The following PDZD2 variants were observed in gnomAD, a reference collection of about 807,000 sequenced individuals.
The protein encoded by PDZD2 is PDZ domain-containing protein 2.
PDZD2 carries 90 observed loss-of-function variants against 220.7 expected under a neutral mutation model. The observed-to-expected ratio is 0.41, with a 90% CI of 0.34 to 0.49. The LOEUF (loss-of-function observed/expected upper bound fraction) is 0.49, where lower values mean the gene tolerates loss of function less well. PDZD2 is among the 20% of genes least tolerant of loss of function. The probability of loss-of-function intolerance (pLI) is 0.28; values close to 1 mark genes in which losing one functional copy is unlikely to be tolerated. For missense variants in PDZD2, 3,174 were observed against 3,608.5 expected, an observed-to-expected ratio of 0.88 and a Z score of 3.08; for synonymous variants, 1,375 against 1,450.5, an observed-to-expected ratio of 0.95 and a Z score of 1.18.
intron 2 of PDZD2, among the ~76,000 whole-genome samples, chr5:31,824,539 T>TGA (rs958170824): frequency 1.1e-4 from 16 of 152,252 alleles, no homozygotes; most frequent in African/African-American, 3.9e-4. Flanking sequence ...GAAGGTGGGG[T>TGA]GAGTGTTTAA....
chr5:31,768,951 T>C (rs952104760), intron 1 of PDZD2, among the ~76,000 whole-genome samples: 1 of 152,240 alleles, frequency 6.6e-6, no homozygotes, highest in Non-Finnish European at 1.5e-5. Flanking sequence ...CAATGTCTGT[T>C]TCCATCACCT....
At chr5:31,705,392 A>G (rs1181268095) in intron 1 of PDZD2, among the ~76,000 whole-genome samples, 1 of 152,110 alleles carries the variant, frequency 6.6e-6, no homozygotes, top group Non-Finnish European at 1.5e-5. Flanking sequence ...AAATCCTTGC[A>G]TTTTCTGGTG....
At chr5:31,841,228 C>T (rs1202994837) in intron 2 of PDZD2, among the ~76,000 whole-genome samples, 1 of 144,696 alleles carries the variant, frequency 6.9e-6, no homozygotes, top group Non-Finnish European at 1.5e-5. Context: ...CACACACACA[C>T]ATAAACACAC....
At chr5:31,695,737 G>C (rs1219681888) in intron 1 of PDZD2, among the ~76,000 whole-genome samples, 1 of 152,120 alleles carries the variant, frequency 6.6e-6, no homozygotes, top group African/African-American at 2.4e-5. Context: ...TTTTATTTGG[G>C]TGTAATAAAG....
chr5:31,665,805 A>G (rs931484075), intron 1 of PDZD2, among the ~76,000 whole-genome samples: 7 of 152,140 alleles, frequency 4.6e-5, no homozygotes, highest in African/African-American at 9.7e-5. Context: ...AGTTCTTTGT[A>G]TCAGTGTGAA....
intron 2 of PDZD2, among the ~76,000 whole-genome samples, chr5:31,902,547 A>AT (rs1184668557): frequency 1.6e-4 from 24 of 149,458 alleles, no homozygotes; most frequent in Non-Finnish European, 3.3e-4. Flanking sequence ...CAGGGGTGCA[A>AT]TTTCAGCTCA....
At chr5:32,003,325 A>AC (rs1752479784) in intron 5 of PDZD2, among the ~76,000 whole-genome samples, 2 of 56,502 alleles carry the variant, frequency 3.5e-5, no homozygotes, top group East Asian at 4.1e-4. Flanking sequence ...CCCCACACAC[A>AC]CACCCCCACC....
chr5:31,907,153 A>T (rs1373769638), intron 2 of PDZD2, among the ~76,000 whole-genome samples: 1 of 152,216 alleles, frequency 6.6e-6, no homozygotes, highest in Non-Finnish European at 1.5e-5. Flanking sequence ...GTCTTTGTGC[A>T]GGGTGCCATG....
intron 1 of PDZD2, among the ~76,000 whole-genome samples, chr5:31,697,913 A>AT (rs1222404052): frequency 8.8e-5 from 13 of 146,932 alleles, no homozygotes; most frequent in African/African-American, 1.5e-4. Flanking sequence ...ATTTTTTATC[A>AT]TTTTTTTTTA....
At position 31,827,748 on chromosome 5, in the gene PDZD2, G is replaced by A. The variant is rs115093390; in HGVS notation, c.476+28024G>A. Among the ~76,000 whole-genome samples the A allele has an allele frequency of 7.8e-3, 1,189 of 151,578 alleles. 4 individuals carry two copies. Among genetic ancestry groups the A allele is most frequent in the Non-Finnish European group, 0.012 (835 of 67,894 alleles). On this transcript the variant is annotated intron_variant, in intron 2 of 24. Transcript: ENST00000438447. ...AATTTTAAAATGGCTTTACTGAGAT[G>A]TTCACCTACTATAAAATTTATCCTT...
At chr5:31,954,894 G>A (rs1021505579) in intron 2 of PDZD2, among the ~76,000 whole-genome samples, 7 of 152,046 alleles carry the variant, frequency 4.6e-5, no homozygotes, top group African/African-American at 1.2e-4. Flanking sequence ...CCGAGATCGC[G>A]CCATTGCACT....
At chr5:31,903,303 T>A (rs74828781) in intron 2 of PDZD2, among the ~76,000 whole-genome samples, 4,315 of 150,600 alleles carry the variant, frequency 0.029, 91 homozygotes, top group Non-Finnish European at 0.043. Context: ...CAAAAAAAAA[T>A]AAAATTAAAA....
At chr5:31,980,335 C>T (rs1479111517) in intron 2 of PDZD2, among the ~76,000 whole-genome samples, 1 of 152,172 alleles carries the variant, frequency 6.6e-6, no homozygotes, top group African/African-American at 2.4e-5. Context: ...ATAATGTTTC[C>T]AGGTTTCACC....
intron 2 of PDZD2, among the ~76,000 whole-genome samples, chr5:31,899,602 T>C (rs1741901349): frequency 6.6e-6 from 1 of 152,222 alleles, no homozygotes; most frequent in South Asian, 2.1e-4. Context: ...CTGTGTGGCC[T>C]TGGATGAGTT....
chr5:31,816,750 C>G (rs1755483605), intron 2 of PDZD2, among the ~76,000 whole-genome samples: 1 of 152,150 alleles, frequency 6.6e-6, no homozygotes, highest in African/African-American at 2.4e-5. Context: ...CAATTTCAAC[C>G]AAAACCAAAG....
In PDZD2 at chr5:32,069,478, T is replaced by G. The variant is rs988071476; in HGVS notation, c.2452-91T>G. 4 of 759,388 alleles carry G rather than the reference T, an allele frequency of 5.3e-6. No homozygotes were observed. The Admixed American group carries it at 5.9e-5, about 11-fold the overall frequency. The allele number at this position is 759,388 out of a possible 1,614,324, so 47.0% of individuals were successfully genotyped here. On this transcript the variant is annotated intron_variant, in intron 14 of 24. Transcript: ENST00000438447. The stretch of plus-strand genomic sequence containing the variant: ...TGGCCCTGTGGTTTGCCTCTTTATC[T>G]GCACTTGACTCTGACTCTGGTCCTA...
At position 31,995,581 on chromosome 5, in the gene PDZD2, A is replaced by C. The variant is rs1751562905; in HGVS notation, c.984A>C (p.Glu328Asp). ...FQSSDCLARE[E>D]VGRIWKMELL... ...TGCTCACTTTTTCTTCCAAGGAGGA[A>C]GTTGGCCGAATATGGAAGATGGAGC... Residue 328 changes from glutamate (E) to aspartate (D), a missense_variant, in exon 4 of 25, where the codon GAA becomes GAC. By Grantham distance (45) the Glu-to-Asp change is conservative. Around this residue, in one of 4 missense-constraint regions of PDZD2, gnomAD observed 632 missense variants for 708.1 expected, o/e 0.89. Coordinates refer to ENST00000438447, the MANE Select transcript of PDZD2 (RefSeq NM_178140.4). The C allele has an allele frequency of 6.2e-7, 1 of 1,614,044 alleles. No individual in the cohort carries two copies. The highest frequency in any genetic ancestry group is 8.5e-7 in the Non-Finnish European group (1 of 1,179,942).
At chr5:31,659,026 T>C (rs996969965) in intron 1 of PDZD2, among the ~76,000 whole-genome samples, 2 of 152,182 alleles carry the variant, frequency 1.3e-5, no homozygotes, top group African/African-American at 4.8e-5. Context: ...CGTGGTCCTC[T>C]TCCCCTGCCT....
intron 7 of PDZD2, among the ~76,000 whole-genome samples, chr5:32,041,147 G>A (rs4867104): frequency 0.82 from 84,930 of 103,836 alleles, 33,965 homozygotes; most frequent in Admixed American, 0.86. Context: ...AGTGGGGAGC[G>A]CCTCTGCCCG....
Sources: gnomAD v4.1 joint callset for allele counts (sites outside exome capture counted in the v4.1 genomes callset) on GRCh38, gnomAD v4.1.1 for gene constraint, gnomAD v4.1.1 regional missense constraint, MANE v1.5 for transcripts, NCBI Gene and HGNC (gene_info 2026-07-23, HGNC 2026-07-21) for gene names.